Variants in EEF1AKMT3 observed in about 807,000 individuals in gnomAD.
EEF1AKMT3 encodes the protein EEF1A lysine methyltransferase 3.
In EEF1AKMT3, 17 loss-of-function variants were observed where a neutral mutation model predicts 17.8. That is an observed-to-expected ratio of 0.96 (90% CI 0.65 to 1.43). The LOEUF (loss-of-function observed/expected upper bound fraction) is 1.43. EEF1AKMT3 is among the 40% of genes most tolerant of loss of function. EEF1AKMT3 has a pLI of 0.00. For synonymous variants in EEF1AKMT3, 116 were observed against 126.5 expected (o/e 0.92, Z 0.56); for missense variants, 244 against 285.8 (o/e 0.85, Z 1.06).
chr12:57,780,162 C>T, intron 2 of EEF1AKMT3, 93 bp from the exon 3 acceptor site: 1 of 1,499,124 alleles, frequency 6.7e-7, no homozygotes, highest in African/African-American at 1.4e-5. Context: ...ACATTGTCCT[C>T]TATGCTCTGA....
intron 2 of EEF1AKMT3, chr12:57,774,532 C>T: frequency 1.6e-6 from 1 of 627,750 alleles, no homozygotes; most frequent in South Asian, 1.9e-5. Context: ...TTCTTCTATT[C>T]ATTCAACCAA....
intron 2 of EEF1AKMT3, among the ~76,000 whole-genome samples, chr12:57,776,638 CTTTAT>C (rs554240218): frequency 8.6e-5 from 13 of 151,988 alleles, no homozygotes; most frequent in South Asian, 4.1e-4. Context: ...TTTCCTATCT[CTTTAT>C]TTTATTTTAT....
Position 57,780,395 on chromosome 12 carries a change from T to G in EEF1AKMT3, c.430T>G (p.Tyr144Asp), listed in dbSNP as rs1205689853. ...GIDHHVFPANYDLVLGADIVY... is the reference protein window; with the variant it reads ...GIDHHVFPANDDLVLGADIVY... ...TGACCATCATGTCTTCCCTGCAAAC[T>G]ATGACCTGGTGCTGGGGGCTGATAT... is the stretch of plus-strand genomic sequence containing the variant. The change falls in exon 3 of 3, where the codon TAT becomes GAT. Residue 144 changes from tyrosine (Y) to aspartate (D), a missense_variant. Physicochemically the swap from Tyr to Asp is radical, Grantham distance 160 (BLOSUM62 -3). Transcript: ENST00000300209. The G allele has an allele frequency of 6.2e-7, 1 of 1,614,188 alleles. No individual in the cohort carries two copies. Among genetic ancestry groups the G allele is most frequent in the African/African-American group, 1.3e-5 (1 of 75,048 alleles).
intron 2 of EEF1AKMT3, among the ~76,000 whole-genome samples, chr12:57,774,347 G>T (rs1009686073): frequency 4.6e-5 from 7 of 152,144 alleles, no homozygotes; most frequent in Non-Finnish European, 1.0e-4. Flanking sequence ...GAGCATGATG[G>T]CTTATGCCTG....
Position 57,780,664 on chromosome 12 carries a change from T to G in EEF1AKMT3, c.*18T>G. The G allele has an allele frequency of 1.2e-6, 2 of 1,602,058 alleles. No individual in the cohort carries two copies. The highest frequency in any genetic ancestry group is 2.2e-5 in the South Asian group (2 of 91,036). ...CTGCTTGACATCACCCTTGCTGTTC[T>G]TCTCAATCTCTTGCTCTAATGAAGG... On this transcript the variant is annotated 3_prime_UTR_variant, in exon 3 of 3. Coordinates refer to ENST00000300209, the MANE Select transcript of EEF1AKMT3 (RefSeq NM_015433.3).
chr12:57,772,800 T>C lies in EEF1AKMT3; in HGVS notation c.76T>C (p.Ser26Pro), dbSNP rs984134304. The C allele has an allele frequency of 1.2e-6, 2 of 1,614,034 alleles. No homozygotes were observed. Among genetic ancestry groups the C allele is most frequent in the African/African-American group, 2.7e-5 (2 of 74,934 alleles). The change falls in exon 1 of 3, where the codon TCT (serine) becomes CCT (proline). Residue 26 changes from serine (S) to proline (P), a missense_variant. Ser to Pro is a moderately conservative substitution (Grantham distance 74). Coordinates refer to ENST00000300209, the MANE Select transcript of EEF1AKMT3 (RefSeq NM_015433.3). This position sits in a 1 kb window ranked among gnomAD's most constrained non-coding sequence, Gnocchi z 4.1. ...FPREVGLFAD[S>P]YSEKSQFCFC... ...GCGGGAGGTCGGGCTCTTTGCAGAC[T>C]CTTACTCGGAGAAGAGCCAGTTCTG... is the stretch of plus-strand genomic sequence containing the variant.
At position 57,772,882 on chromosome 12, in the gene EEF1AKMT3, C is replaced by A; in HGVS notation, c.158C>A (p.Ala53Glu). 1 of 1,614,048 alleles carries A rather than the reference C, an allele frequency of 6.2e-7. No homozygotes were observed. The highest frequency in any genetic ancestry group is 1.1e-5 in the South Asian group (1 of 91,078). ...TQNFGSRLGV[A>E]ARVWDAALSL... ...AACTTTGGGTCCCGCCTCGGGGTGG[C>A]GGCGCGCGTGTGGGACGCGGTGAGG... is the stretch of plus-strand genomic sequence containing the variant. The change falls in exon 1 of 3, where the codon GCG becomes GAG. Residue 53 changes from alanine to glutamate, a missense_variant. Transcript: ENST00000300209. The surrounding 1 kb of genome is among the most constrained non-coding windows in gnomAD (Gnocchi z 4.1).
At chr12:57,774,496 G>A (rs1253691637) in intron 2 of EEF1AKMT3, 2 of 571,480 alleles carry the variant, frequency 3.5e-6, no homozygotes, top group Non-Finnish European at 6.4e-6. Context: ...TAAAAAAAGG[G>A]AAATCTTCCC....
Position 57,780,782 on chromosome 12 carries a change from C to A in EEF1AKMT3, c.*136C>A. 8.5e-7 allele frequency: 1 copy of A among 1,175,860 alleles called. No homozygotes were observed. The highest frequency in any genetic ancestry group is 1.5e-5 in the African/African-American group (1 of 64,674). 72.8% of individuals were successfully genotyped at this position (1,175,860 alleles called of 1,614,324 possible). On this transcript the variant is annotated 3_prime_UTR_variant, in exon 3 of 3. Transcript: ENST00000300209. ...TGGCCTCTCTCACTTTCCTCCTTCCCTCTTTGTTACCCCAGATACTCTTGG... is the reference window on the plus strand; with the variant it reads ...TGGCCTCTCTCACTTTCCTCCTTCCATCTTTGTTACCCCAGATACTCTTGG...
chr12:57,780,863 T>C lies in EEF1AKMT3; in HGVS notation c.*217T>C, dbSNP rs1359091554. 3.3e-6 allele frequency: 2 copies of C among 615,312 alleles called. No individual in the cohort carries two copies. The highest frequency in any genetic ancestry group is 5.6e-6 in the Non-Finnish European group (2 of 360,102). The allele number at this position is 615,312 out of a possible 1,614,324, so 38.1% of individuals were successfully genotyped here. A position where few individuals can be genotyped will look rare whatever the true frequency, so the allele number is the denominator to read the frequency against. On this transcript the variant is annotated 3_prime_UTR_variant, in exon 3 of 3. Coordinates refer to ENST00000300209, the MANE Select transcript of EEF1AKMT3 (RefSeq NM_015433.3). ...AATCCCAGAGTTCTGGCAGCACTAG[T>C]GTTAGAACACCAAGGAGGTTCCTGG...
Position 57,772,774 on chromosome 12 carries a change from C to T in EEF1AKMT3, c.50C>T (p.Pro17Leu), listed in dbSNP as rs1233279247. 1.2e-6 allele frequency: 2 copies of T among 1,614,152 alleles called. No individual in the cohort carries two copies. The highest frequency in any genetic ancestry group is 2.2e-5 in the South Asian group (2 of 91,092). The change falls in exon 1 of 3, where the codon CCG becomes CTG. Residue 17 changes from proline (P) to leucine (L), a missense_variant. Physicochemically the swap from Pro to Leu is moderately conservative, Grantham distance 98 (BLOSUM62 -3). Transcript: ENST00000300209. This position sits in a 1 kb window ranked among gnomAD's most constrained non-coding sequence, Gnocchi z 4.1. ...DPESESESVF[P>L]REVGLFADSY... ...GAATCTGAGTCGGAATCGGTGTTCCCGCGGGAGGTCGGGCTCTTTGCAGAC... is the reference window on the plus strand; with the variant it reads ...GAATCTGAGTCGGAATCGGTGTTCCTGCGGGAGGTCGGGCTCTTTGCAGAC...
Position 57,772,630 on chromosome 12 carries a change from C to T in EEF1AKMT3, c.-95C>T. ...GGAGGCGGGGCTCGTTCCACAGGGA[C>T]ACCACGACGGCTCGCGGCCCCCAGC... On this transcript the variant is annotated 5_prime_UTR_variant, in exon 1 of 3. Transcript: ENST00000300209. The surrounding 1 kb of genome is among the most constrained non-coding windows in gnomAD (Gnocchi z 4.1). The T allele has an allele frequency of 7.4e-7, 1 of 1,355,914 alleles. No individual in the cohort carries two copies. The highest frequency in any genetic ancestry group is 9.9e-7 in the Non-Finnish European group (1 of 1,006,850). 84.0% of individuals were successfully genotyped at this position (1,355,914 alleles called of 1,614,324 possible).
intron 2 of EEF1AKMT3, 72 bp from the exon 3 acceptor site, chr12:57,780,183 C>A: frequency 1.3e-6 from 2 of 1,572,574 alleles, no homozygotes; most frequent in Non-Finnish European, 1.7e-6. Context: ...GGTCTCTGGA[C>A]CTTCCAGGCA....
chr12:57,778,292 G>GTTTTTTTTTTTTTTTTTT (rs78304489), intron 2 of EEF1AKMT3, among the ~76,000 whole-genome samples: 3 of 2,300 alleles, frequency 1.3e-3, no homozygotes, highest in African/African-American at 3.4e-3. Flanking sequence ...ACCATCCTGA[G>GTTTTTTTTTTTTTTTTTT]CTTTTTTTTT....
chr12:57,782,520 T>C lies in EEF1AKMT3; in HGVS notation c.*1874T>C. On this transcript the variant is annotated 3_prime_UTR_variant, in exon 3 of 3. Coordinates refer to ENST00000300209, the MANE Select transcript of EEF1AKMT3 (RefSeq NM_015433.3). The stretch of plus-strand genomic sequence containing the variant: ...AATGAATATAAATGCGCATTGAAAA[T>C]AAACATAAAATGTTACCCACATTTC... The C allele has an allele frequency of 2.2e-6, 1 of 456,644 alleles. No individual in the cohort carries two copies. Among genetic ancestry groups the C allele is most frequent in the Middle Eastern group, 5.7e-4 (1 of 1,746 alleles). 28.3% of individuals were successfully genotyped at this position (456,644 alleles called of 1,614,324 possible).
chr12:57,773,175 C>T (rs1186483334), intron 2 of EEF1AKMT3, 47 bp downstream of exon 2: 27 of 1,568,732 alleles, frequency 1.7e-5, no homozygotes, highest in Non-Finnish European at 2.3e-5. Flanking sequence ...CCCAGGGGCG[C>T]GGAGAAATGG....
chr12:57,774,802 C>G, intron 2 of EEF1AKMT3: 1 of 1,569,438 alleles, frequency 6.4e-7, no homozygotes, highest in East Asian at 2.3e-5. Context: ...ACACAGCAGG[C>G]TCAGAAACAC....
At position 57,781,588 on chromosome 12, in the gene EEF1AKMT3, T is replaced by G. The variant is rs554694500; in HGVS notation, c.*942T>G. On this transcript the variant is annotated 3_prime_UTR_variant, in exon 3 of 3. Transcript: ENST00000300209. ...TGTATTTCTTCATGCTTTCCAGAGT[T>G]AGAGCCTTGATCACGGAACATCATT... 1 of 152,340 alleles carries G rather than the reference T, an allele frequency of 6.6e-6. No individual in the cohort carries two copies. The highest frequency in any genetic ancestry group is 2.4e-5 in the African/African-American group (1 of 41,576). 9.4% of individuals were successfully genotyped at this position (152,340 alleles called of 1,614,324 possible).
At chr12:57,774,665 T>C (rs777995016) in intron 2 of EEF1AKMT3, 2 of 1,596,800 alleles carry the variant, frequency 1.3e-6, no homozygotes, top group Non-Finnish European at 1.7e-6. Context: ...GAGGACGATG[T>C]CATAGAACAA....
Sources: allele counts gnomAD v4.1 joint callset (sites outside exome capture counted in the v4.1 genomes callset), GRCh38; gene constraint gnomAD v4.1.1; non-coding constraint Gnocchi (gnomAD v3.1); transcripts MANE v1.5; gene names NCBI Gene and HGNC (gene_info 2026-07-23, HGNC 2026-07-21).